Variants in TRAPPC9 observed in about 807,000 individuals in gnomAD.
TRAPPC9 encodes the protein trafficking protein particle complex subunit 9, also known as IKK2 binding protein.
TRAPPC9 carries 83 observed loss-of-function variants against 124.0 expected under a neutral mutation model. That is an observed-to-expected ratio of 0.67 (90% CI 0.56 to 0.80). The LOEUF is 0.80. Ranked by LOEUF, TRAPPC9 falls within the 30% of genes least tolerant of loss-of-function variation. The probability of loss-of-function intolerance (pLI) is 0.00; values close to 1 mark genes in which losing one functional copy is unlikely to be tolerated. For missense variants in TRAPPC9, 1,302 were observed against 1,508.3 expected (o/e 0.86, Z 2.27); for synonymous variants, 638 against 617.5 (o/e 1.03, Z -0.49).
At chr8:140,262,603 T>C (rs1221379357) in intron 15 of TRAPPC9, 2 of 152,082 alleles carry the variant, frequency 1.3e-5, no homozygotes, top group African/African-American at 2.4e-5. Flanking sequence ...GTAAATTCAC[T>C]CACTGTGGTT....
At chr8:140,428,278 A>C (rs1332713411) in intron 4 of TRAPPC9, among the ~76,000 whole-genome samples, 1 of 152,216 alleles carries the variant, frequency 6.6e-6, no homozygotes, top group Non-Finnish European at 1.5e-5. Flanking sequence ...CACATTAACC[A>C]AACTTGTAAG....
intron 19 of TRAPPC9, among the ~76,000 whole-genome samples, chr8:139,948,183 A>C (rs1423058205): frequency 6.6e-6 from 1 of 151,444 alleles, no homozygotes; most frequent in Non-Finnish European, 1.5e-5. Context: ...TTTAGATGGA[A>C]GGGAAATAGA....
chr8:140,304,609 C>G (rs1382244246), intron 10 of TRAPPC9, among the ~76,000 whole-genome samples: 2 of 152,178 alleles, frequency 1.3e-5, no homozygotes, highest in East Asian at 3.8e-4. Flanking sequence ...GGACATTTAA[C>G]TACTGCACAC....
Position 139,995,405 on chromosome 8 carries a change from A to G in TRAPPC9, c.2700-6569T>C, listed in dbSNP as rs749192076. 2.4e-4 allele frequency among the ~76,000 whole-genome samples: 37 copies of G among 152,250 alleles called. 1 individual carries two copies. The Middle Eastern group carries it at 0.01, about 42-fold the overall frequency. On this transcript the variant is annotated intron_variant, in intron 18 of 22. Transcript: ENST00000438773. The stretch of plus-strand genomic sequence containing the variant: ...AAAGCAAACCACAGGAGATAATGAC[A>G]TCAGAGCAGTATTGGCGGGACAGGC...
intron 11 of TRAPPC9, among the ~76,000 whole-genome samples, chr8:140,299,284 G>C (rs76817583): frequency 0.031 from 4,668 of 152,200 alleles, 247 homozygotes; most frequent in African/African-American, 0.11. Flanking sequence ...AACCCCGACA[G>C]AGCGGGAGGG....
At chr8:140,202,028 T>C (rs1012187467) in intron 17 of TRAPPC9, among the ~76,000 whole-genome samples, 1 of 152,164 alleles carries the variant, frequency 6.6e-6, no homozygotes, top group African/African-American at 2.4e-5. Context: ...ACACATGAGT[T>C]TGCACCACAA....
intron 9 of TRAPPC9, among the ~76,000 whole-genome samples, chr8:140,324,024 T>C (rs2066671715): frequency 6.6e-6 from 1 of 152,182 alleles, no homozygotes; most frequent in Non-Finnish European, 1.5e-5. Flanking sequence ...ACCCAATTTG[T>C]AGTATTTTAT....
rs1433551544 is a variant in TRAPPC9, at chr8:140,257,258, T to A, written c.2279-4329A>T. On this transcript the variant is annotated intron_variant, in intron 15 of 22. Coordinates refer to ENST00000438773, the MANE Select transcript of TRAPPC9 (RefSeq NM_001160372.4). This position sits in a 1 kb window ranked among gnomAD's most constrained non-coding sequence, Gnocchi z 4.6. Reference sequence around the variant, plus strand: ...GCTAGGATGTCCCAGAGTCAAGAGGTGAACCCTGGCCCTCACACCCATTCA... The same window carrying A: ...GCTAGGATGTCCCAGAGTCAAGAGGAGAACCCTGGCCCTCACACCCATTCA... Among the ~76,000 whole-genome samples, 3 of 152,164 alleles carry A rather than the reference T, an allele frequency of 2.0e-5. No homozygotes were observed. Among genetic ancestry groups the A allele is most frequent in the African/African-American group, 7.2e-5 (3 of 41,442 alleles).
At chr8:140,415,809 A>T (rs2069908360) in intron 5 of TRAPPC9, among the ~76,000 whole-genome samples, 1 of 152,018 alleles carries the variant, frequency 6.6e-6, no homozygotes, top group African/African-American at 2.4e-5. Context: ...TCTCTACAAA[A>T]ATTTAAAAAG....
intron 17 of TRAPPC9, among the ~76,000 whole-genome samples, chr8:140,069,787 C>G (rs1403462873): frequency 2.0e-5 from 3 of 152,150 alleles, no homozygotes; most frequent in Non-Finnish European, 2.9e-5. Context: ...ACCAGAGGAG[C>G]TGCAGGTCCG....
chr8:140,452,821 C>A (rs554725124), intron 1 of TRAPPC9, among the ~76,000 whole-genome samples: 2 of 151,528 alleles, frequency 1.3e-5, no homozygotes, highest in African/African-American at 4.9e-5. Flanking sequence ...GAAGTCAGGG[C>A]CGATATTCAA....
intron 17 of TRAPPC9, among the ~76,000 whole-genome samples, chr8:140,116,380 A>G (rs904179179): frequency 1.3e-5 from 2 of 152,144 alleles, no homozygotes; most frequent in Non-Finnish European, 2.9e-5. Flanking sequence ...TCACTCCCCT[A>G]GAGGCACCAA....
intron 21 of TRAPPC9, among the ~76,000 whole-genome samples, chr8:139,865,328 C>A (rs1033812525): frequency 1.3e-5 from 2 of 152,206 alleles, no homozygotes; most frequent in Non-Finnish European, 2.9e-5. Context: ...CTTGAGGAGA[C>A]GGACTGTTTC....
At chr8:140,333,340 G>A (rs778314285) in intron 9 of TRAPPC9, among the ~76,000 whole-genome samples, 4 of 152,106 alleles carry the variant, frequency 2.6e-5, no homozygotes, top group African/African-American at 4.8e-5. Flanking sequence ...TATGTAGATA[G>A]CTAGATATAG....
intron 9 of TRAPPC9, among the ~76,000 whole-genome samples, chr8:140,331,175 C>T (rs1172608848): frequency 6.6e-6 from 1 of 150,560 alleles, no homozygotes; most frequent in Non-Finnish European, 1.5e-5. Context: ...CATGTTTTCA[C>T]AGTCAAATAA....
chr8:140,032,653 T>C (rs1328698077), intron 17 of TRAPPC9, among the ~76,000 whole-genome samples: 1 of 152,236 alleles, frequency 6.6e-6, no homozygotes, highest in African/African-American at 2.4e-5. Flanking sequence ...GGATTCATAG[T>C]TGTTTTCAAT....
At chr8:140,229,248 T>C (rs1023597411) in intron 16 of TRAPPC9, among the ~76,000 whole-genome samples, 1 of 71,852 alleles carries the variant, frequency 1.4e-5, no homozygotes, top group African/African-American at 3.6e-5. Context: ...ATGTTTTCTT[T>C]TTCTTTTTTT....
At chr8:140,195,869 C>T (rs1405452621) in intron 17 of TRAPPC9, among the ~76,000 whole-genome samples, 1 of 150,588 alleles carries the variant, frequency 6.6e-6, no homozygotes, top group African/African-American at 2.5e-5. Context: ...CACTAAAACA[C>T]ACTCAACGAT....
chr8:140,221,009 C>T (rs550265321), intron 17 of TRAPPC9, among the ~76,000 whole-genome samples: 7 of 152,300 alleles, frequency 4.6e-5, no homozygotes, highest in East Asian at 1.9e-4. Context: ...TACAAGCCCG[C>T]GGCACGTAGC....
Sources: allele counts gnomAD v4.1 joint callset (sites outside exome capture counted in the v4.1 genomes callset), GRCh38; gene constraint gnomAD v4.1.1; non-coding constraint Gnocchi (gnomAD v3.1); transcripts MANE v1.5; gene names NCBI Gene and HGNC (gene_info 2026-07-23, HGNC 2026-07-21).